The following MSX2 variants were observed in gnomAD, a reference collection of about 807,000 sequenced individuals.
MSX2 encodes the protein msh homeobox 2, also known as homeobox protein MSX-2.
In MSX2, 10 loss-of-function variants were observed where a neutral mutation model predicts 18.4. The ratio of observed to expected loss-of-function variants is 0.54; its 90% CI spans 0.34 to 0.92. The LOEUF (loss-of-function observed/expected upper bound fraction) is 0.92, where lower values mean the gene tolerates loss of function less well. MSX2 is among the 40% of genes least tolerant of loss of function. MSX2 has a pLI of 0.02. For synonymous variants in MSX2, 170 were observed against 165.6 expected, an observed-to-expected ratio of 1.03 and a Z score of -0.20; for missense variants, 339 against 364.0, an observed-to-expected ratio of 0.93 and a Z score of 0.56.
chr5:174,728,807 A>C (rs1760856637), intron 1 of MSX2, among the ~76,000 whole-genome samples: 1 of 152,132 alleles, frequency 6.6e-6, no homozygotes. Flanking sequence ...GTTCAGTTAC[A>C]CCATTACATT....
In MSX2 at chr5:174,729,433, C is replaced by T. The variant is rs1411475660; in HGVS notation, c.654C>T (p.Ser218=). Residue 218 remains serine (S), a synonymous_variant, in exon 2 of 2, where the codon TCC becomes TCT. Transcript: ENST00000239243. ...TGGCTGCAAAACCTATGCTGCCCTCCAGCTTCAGTCTCCCTTTCCCCATCA... is the reference window on the plus strand; with the variant it reads ...TGGCTGCAAAACCTATGCTGCCCTCTAGCTTCAGTCTCCCTTTCCCCATCA... The part of the protein sequence containing the change: ...LKMAAKPMLP[S]SFSLPFPISS... The T allele has an allele frequency of 6.2e-7, 1 of 1,614,108 alleles. No homozygotes were observed. The highest frequency in any genetic ancestry group is 1.7e-5 in the Admixed American group (1 of 60,022).
In MSX2 at chr5:174,727,471, A is replaced by C. The variant is rs181413687; in HGVS notation, c.380-1688A>C. On this transcript the variant is annotated intron_variant, in intron 1 of 1. Transcript: ENST00000239243. ...AACCCCACGTAGAGCCAGGAGCAAGAGTATATACACGCTAGGAACTTGGTA... is the reference window on the plus strand; with the variant it reads ...AACCCCACGTAGAGCCAGGAGCAAGCGTATATACACGCTAGGAACTTGGTA... Among the ~76,000 whole-genome samples, 496 of 152,258 alleles carry C rather than the reference A, an allele frequency of 3.3e-3. 7 individuals are homozygous for C. In the Middle Eastern group the frequency reaches 0.034, roughly 10 times the overall value.
intron 1 of MSX2, among the ~76,000 whole-genome samples, chr5:174,725,504 C>G (rs1760771648): frequency 6.6e-6 from 1 of 152,116 alleles, no homozygotes; most frequent in Admixed American, 6.5e-5. Flanking sequence ...AGTTGTGCCC[C>G]CATTTTAAAG....
At chr5:174,727,823 T>C (rs950344513) in intron 1 of MSX2, among the ~76,000 whole-genome samples, 3 of 152,188 alleles carry the variant, frequency 2.0e-5, no homozygotes, top group Non-Finnish European at 4.4e-5. Flanking sequence ...TTGGGACTTG[T>C]GCTGTGTCAC....
rs1316428923 is a variant in MSX2, at chr5:174,724,808, A to T, written c.149A>T (p.Glu50Val). Residue 50 changes from glutamate (E) to valine (V), a missense_variant, in exon 1 of 2, where the codon GAG (glutamate) becomes GTG (valine). Glu to Val is a moderately radical substitution (Grantham distance 121). Transcript: ENST00000239243. ...GTCTCCAGCCTGCCCTTCAGCGTGGAGGCGCTCATGTCCGACAAGAAGCCG... is the reference window on the plus strand; with the variant it reads ...GTCTCCAGCCTGCCCTTCAGCGTGGTGGCGCTCATGTCCGACAAGAAGCCG... The part of the protein sequence containing the change: ...VKVSSLPFSV[E>V]ALMSDKKPPK... 1 of 1,552,178 alleles carries T rather than the reference A, an allele frequency of 6.4e-7. No individual in the cohort carries two copies. The highest frequency in any genetic ancestry group is 1.2e-5 in the South Asian group (1 of 84,384).
chr5:174,724,939 C>A lies in MSX2; in HGVS notation c.280C>A (p.Pro94Thr), dbSNP rs748554134. Residue 94 changes from proline to threonine, a missense_variant, in exon 1 of 2, where the codon CCG becomes ACG. By Grantham distance (38) the Pro-to-Thr change is conservative. Around this residue, in one of 2 missense-constraint regions of MSX2, gnomAD observed 211 missense variants for 185.4 expected, o/e 1.14. Transcript: ENST00000239243. Reference protein sequence around the residue: ...HGAREAHSPGPLVKPFETASV... With the variant: ...HGAREAHSPGTLVKPFETASV... ...CGCTCGGGAAGCGCACAGCCCCGGGCCGCTGGTGAAGCCCTTCGAGACCGC... is the reference window on the plus strand; with the variant it reads ...CGCTCGGGAAGCGCACAGCCCCGGGACGCTGGTGAAGCCCTTCGAGACCGC... The A allele has an allele frequency of 1.3e-6, 2 of 1,587,972 alleles. No homozygotes were observed. The highest frequency in any genetic ancestry group is 1.7e-6 in the Non-Finnish European group (2 of 1,169,888).
chr5:174,729,648 C>T lies in MSX2; in HGVS notation c.*65C>T, dbSNP rs550795412. 91 of 1,538,514 alleles carry T rather than the reference C, an allele frequency of 5.9e-5. No homozygotes were observed. In the East Asian group the frequency reaches 1.8e-3, roughly 30 times the overall value. ...TCAAAGGGTTTCCTCTCCCTCTCCA[C>T]GAAGGCAGTACCAGCCAGTACTCCT... is the stretch of plus-strand genomic sequence containing the variant. On this transcript the variant is annotated 3_prime_UTR_variant, in exon 2 of 2. Coordinates refer to ENST00000239243, the MANE Select transcript of MSX2 (RefSeq NM_002449.5).
At position 174,729,440 on chromosome 5, in the gene MSX2, A is replaced by G. The variant is rs753676458; in HGVS notation, c.661A>G (p.Ser221Gly). Residue 221 changes from serine to glycine, a missense_variant, in exon 2 of 2, where the codon AGT becomes GGT. This residue lies in a region of MSX2 where 128 missense variants were observed against 178.6 expected (regional missense o/e 0.72). Transcript: ENST00000239243. ...AAAACCTATGCTGCCCTCCAGCTTC[A>G]GTCTCCCTTTCCCCATCAGCTCGCC... ...AAKPMLPSSF[S>G]LPFPISSPLQ... is the part of the protein sequence containing the mutation. 1 of 1,614,080 alleles carries G rather than the reference A, an allele frequency of 6.2e-7. No individual in the cohort carries two copies. The highest frequency in any genetic ancestry group is 1.1e-5 in the South Asian group (1 of 91,082).
chr5:174,729,199 G>A lies in MSX2; in HGVS notation c.420G>A (p.Lys140=), dbSNP rs1377517763. ...SPTTCTLRKH[K]TNRKPRTPFT... ...CCACCTGCACCCTGAGGAAACACAA[G>A]ACCAATCGGAAGCCGCGCACGCCCT... is the stretch of plus-strand genomic sequence containing the variant. Residue 140 remains lysine (K), a synonymous_variant, in exon 2 of 2, where the codon AAG becomes AAA. Coordinates refer to ENST00000239243, the MANE Select transcript of MSX2 (RefSeq NM_002449.5). 6.2e-7 allele frequency: 1 copy of A among 1,614,062 alleles called. No individual in the cohort carries two copies.
Position 174,724,989 on chromosome 5 carries a change from A to C in MSX2, c.330A>C (p.Glu110Asp). ...CCTCGGTCAAGTCGGAAAATTCAGAAGATGGAGCGGCGTGGATGCAGGAAC... is the reference window on the plus strand; with the variant it reads ...CCTCGGTCAAGTCGGAAAATTCAGACGATGGAGCGGCGTGGATGCAGGAAC... ...ETASVKSENS[E>D]DGAAWMQEPG... is the part of the protein sequence containing the mutation. Residue 110 changes from glutamate (E) to aspartate (D), a missense_variant, in exon 1 of 2, where the codon GAA (glutamate) becomes GAC (aspartate). Glu to Asp is a conservative substitution (Grantham distance 45, BLOSUM62 2). This residue lies in a region of MSX2 where 211 missense variants were observed against 185.4 expected (regional missense o/e 1.14). Transcript: ENST00000239243. The C allele has an allele frequency of 6.2e-7, 1 of 1,610,078 alleles. No individual in the cohort carries two copies. Among genetic ancestry groups the C allele is most frequent in the African/African-American group, 1.3e-5 (1 of 75,054 alleles).
At chr5:174,727,453 C>G (rs563267031) in intron 1 of MSX2, among the ~76,000 whole-genome samples, 2 of 152,082 alleles carry the variant, frequency 1.3e-5, no homozygotes, top group South Asian at 2.1e-4. Context: ...CAAAACCCCA[C>G]GTAGAGCCAG....
At chr5:174,728,011 T>G (rs1208550199) in intron 1 of MSX2, among the ~76,000 whole-genome samples, 2 of 152,200 alleles carry the variant, frequency 1.3e-5, no homozygotes, top group African/African-American at 4.8e-5. Flanking sequence ...CACAGCTCTA[T>G]CCTCCTCCGC....
In MSX2 at chr5:174,724,931, G is replaced by T. The variant is rs1760747848; in HGVS notation, c.272G>T (p.Ser91Ile). ...GGGCACGGCGCTCGGGAAGCGCACA[G>T]CCCCGGGCCGCTGGTGAAGCCCTTC... The part of the protein sequence containing the change: ...LSGHGAREAH[S>I]PGPLVKPFET... The change falls in exon 1 of 2, where the codon AGC becomes ATC. Residue 91 changes from serine to isoleucine, a missense_variant. This residue lies in a region of MSX2 where 211 missense variants were observed against 185.4 expected (regional missense o/e 1.14). Coordinates refer to ENST00000239243, the MANE Select transcript of MSX2 (RefSeq NM_002449.5). The T allele has an allele frequency of 2.5e-6, 4 of 1,583,288 alleles. No homozygotes were observed. Among genetic ancestry groups the T allele is most frequent in the Middle Eastern group, 1.7e-4 (1 of 6,018 alleles).
rs1760872406 is a variant in MSX2, at chr5:174,729,250, G to A, written c.471G>A (p.Leu157=). 1.2e-6 allele frequency: 2 copies of A among 1,614,146 alleles called. No individual in the cohort carries two copies. The highest frequency in any genetic ancestry group is 1.7e-5 in the Admixed American group (1 of 60,018). Residue 157 remains leucine, a synonymous_variant, in exon 2 of 2, where the codon CTG becomes CTA. Transcript: ENST00000239243. ...TTACCACATCCCAGCTCCTCGCCCTGGAGCGCAAGTTCCGTCAGAAACAGT... is the reference window on the plus strand; with the variant it reads ...TTACCACATCCCAGCTCCTCGCCCTAGAGCGCAAGTTCCGTCAGAAACAGT... The part of the protein sequence containing the change: ...TPFTTSQLLA[L]ERKFRQKQYL...
rs769673082 is a variant in MSX2, at chr5:174,729,150, G to C, written c.380-9G>C. 13 of 1,613,508 alleles carry C rather than the reference G, an allele frequency of 8.1e-6. No individual in the cohort carries two copies. The Admixed American group carries it at 1.8e-4, about 23-fold the overall frequency. ...CTTTTGCTAATCCGCTCCTCTCTCT[G>C]TTCTCTAGGACATATGAGCCCTACC... On this transcript the variant is annotated splice_polypyrimidine_tract_variant and intron_variant, in intron 1 of 1. Coordinates refer to ENST00000239243, the MANE Select transcript of MSX2 (RefSeq NM_002449.5).
rs780471460 is a variant in MSX2 at position 174,729,234 on chromosome 5, C to T, written c.455C>T (p.Ser152Phe). 4 of 1,614,204 alleles carry T rather than the reference C, an allele frequency of 2.5e-6. No homozygotes were observed. In the Admixed American group the frequency reaches 6.7e-5, roughly 27 times the overall value. The change falls in exon 2 of 2, where the codon TCC becomes TTC. Residue 152 changes from serine (S) to phenylalanine (F), a missense_variant. Ser to Phe is a radical substitution (Grantham distance 155). Around this residue, in one of 2 missense-constraint regions of MSX2, gnomAD observed 128 missense variants for 178.6 expected, o/e 0.72. Coordinates refer to ENST00000239243, the MANE Select transcript of MSX2 (RefSeq NM_002449.5). ...NRKPRTPFTT[S>F]QLLALERKFR... ...AAGCCGCGCACGCCCTTTACCACAT[C>T]CCAGCTCCTCGCCCTGGAGCGCAAG...
At chr5:174,728,967 ATGTGTGTGTGTG>A (rs59742982) in intron 1 of MSX2, among the ~76,000 whole-genome samples, 180 bp from the exon 2 acceptor site, 9 of 145,510 alleles carry the variant, frequency 6.2e-5, no homozygotes, top group Admixed American at 4.1e-4. Flanking sequence ...ATACATAGAT[ATGTGTGTGTGTG>A]TGTGTGTGTG....
intron 1 of MSX2, among the ~76,000 whole-genome samples, chr5:174,725,935 A>G (rs1760786614): frequency 6.6e-6 from 1 of 152,148 alleles, no homozygotes; most frequent in Non-Finnish European, 1.5e-5. Flanking sequence ...CAGGTTACCA[A>G]CAACCACTGA....
Position 174,724,980 on chromosome 5 carries a change from A to C in MSX2, c.321A>C (p.Glu107Asp). The change falls in exon 1 of 2, where the codon GAA (glutamate) becomes GAC (aspartate). Residue 107 changes from glutamate to aspartate, a missense_variant. Around this residue, in one of 2 missense-constraint regions of MSX2, gnomAD observed 211 missense variants for 185.4 expected, o/e 1.14. Transcript: ENST00000239243. ...TCGAGACCGCCTCGGTCAAGTCGGA[A>C]AATTCAGAAGATGGAGCGGCGTGGA... ...KPFETASVKS[E>D]NSEDGAAWMQ... The C allele has an allele frequency of 6.2e-7, 1 of 1,609,242 alleles. No individual in the cohort carries two copies. Among genetic ancestry groups the C allele is most frequent in the Admixed American group, 1.7e-5 (1 of 59,630 alleles).
Sources: gnomAD v4.1 joint callset for allele counts (sites outside exome capture counted in the v4.1 genomes callset) on GRCh38, gnomAD v4.1.1 for gene constraint, gnomAD v4.1.1 regional missense constraint, MANE v1.5 for transcripts, NCBI Gene and HGNC (gene_info 2026-07-23, HGNC 2026-07-21) for gene names.